Variants in ZNF461 observed in about 807,000 individuals in gnomAD.
ZNF461 encodes the protein zinc finger protein 461.
In ZNF461, 16 loss-of-function variants were observed where a neutral mutation model predicts 18.3. That is an observed-to-expected ratio of 0.88 (90% CI 0.59 to 1.33). The LOEUF is 1.33. Ranked by LOEUF, ZNF461 falls within the 40% of genes most tolerant of loss-of-function variation. The pLI is 0.00. For missense variants in ZNF461, 595 were observed against 669.9 expected, an observed-to-expected ratio of 0.89 and a Z score of 1.23; for synonymous variants, 179 against 216.9, an observed-to-expected ratio of 0.83 and a Z score of 1.54.
Position 36,638,416 on chromosome 19 carries a change from T to C in ZNF461, c.*237A>G, listed in dbSNP as rs189573589. ...ATATTTCACTGGTTTCAGTGAAACA[T>C]GTAATTTTAGAAAATTTATTCTCAA... On this transcript the variant is annotated 3_prime_UTR_variant, in exon 6 of 6. Transcript: ENST00000588268. 5.7e-3 allele frequency: 1,953 copies of C among 342,190 alleles called. 14 individuals are homozygous for C. The highest frequency in any genetic ancestry group is 0.015 in the South Asian group (181 of 12,236). The allele number at this position is 342,190 out of a possible 1,614,324, so 21.2% of individuals were successfully genotyped here. A position where few individuals can be genotyped will look rare whatever the true frequency, so the allele number is the denominator to read the frequency against.
In ZNF461 at chr19:36,638,370, TTATTTCACTGTTTCAGTGAAA is replaced by T. The variant is rs985833397; in HGVS notation, c.*262_*282del. 1.4e-4 allele frequency: 36 copies of T among 255,154 alleles called. No homozygotes were observed. Among genetic ancestry groups the T allele is most frequent in the South Asian group, 6.2e-4 (7 of 11,314 alleles). The allele number at this position is 255,154 out of a possible 1,614,324, so 15.8% of individuals were successfully genotyped here. On this transcript the variant is annotated 3_prime_UTR_variant, in exon 6 of 6. Coordinates refer to ENST00000588268, the MANE Select transcript of ZNF461 (RefSeq NM_153257.5). Reference sequence around the variant, plus strand: ...GGGAAGGGAGGAAATTGTTTTCATTTTATTTCACTGTTTCAGTGAAATATTTCACTGGTTTCAGTGAAACAT... The same window carrying T: ...GGGAAGGGAGGAAATTGTTTTCATTTTATTTCACTGGTTTCAGTGAAACAT...
intron 2 of ZNF461, among the ~76,000 whole-genome samples, chr19:36,662,036 A>C (rs921769908): frequency 2.6e-5 from 4 of 151,630 alleles, no homozygotes; most frequent in African/African-American, 9.7e-5. Flanking sequence ...CGTCTGGCTA[A>C]TTTTGTATTT....
intron 4 of ZNF461, among the ~76,000 whole-genome samples, chr19:36,650,293 A>G (rs1337433142): frequency 6.6e-6 from 1 of 152,212 alleles, no homozygotes; most frequent in African/African-American, 2.4e-5. Flanking sequence ...ATGAATATAC[A>G]GAATAATAAC....
intron 4 of ZNF461, among the ~76,000 whole-genome samples, chr19:36,652,289 C>T (rs2037640054): frequency 6.6e-6 from 1 of 150,650 alleles, no homozygotes; most frequent in Non-Finnish European, 1.5e-5. Context: ...GTCAGGAGTT[C>T]GAGACCAGCC....
At chr19:36,640,801 AAG>A (rs754586494) in intron 5 of ZNF461, among the ~76,000 whole-genome samples, 1 of 152,238 alleles carries the variant, frequency 6.6e-6, no homozygotes, top group Admixed American at 6.5e-5. Flanking sequence ...GTATCAAAAA[AAG>A]AAAATTAATT....
chr19:36,636,696 CTATT>C lies in ZNF461; in HGVS notation c.*1953_*1956del, dbSNP rs1174376433. Among the ~76,000 whole-genome samples, 1 of 152,184 alleles carries C rather than the reference CTATT, an allele frequency of 6.6e-6. No homozygotes were observed. Among genetic ancestry groups the C allele is most frequent in the Non-Finnish European group, 1.5e-5 (1 of 68,038 alleles). On this transcript the variant is annotated 3_prime_UTR_variant, in exon 6 of 6. Coordinates refer to ENST00000588268, the MANE Select transcript of ZNF461 (RefSeq NM_153257.5). ...AAGGCGCCAAGCTCTGGTCTCCACA[CTATT>C]TATTGAGTACAATCACTTAGATCTA... is the stretch of plus-strand genomic sequence containing the variant.
chr19:36,656,908 T>C (rs1341300504), intron 3 of ZNF461, among the ~76,000 whole-genome samples: 1 of 151,678 alleles, frequency 6.6e-6, no homozygotes, highest in Non-Finnish European at 1.5e-5. Context: ...CAACCTCCAC[T>C]TCACGGGTTC....
chr19:36,645,388 ATTTC>A (rs1555795993), intron 4 of ZNF461, among the ~76,000 whole-genome samples: 1 of 152,162 alleles, frequency 6.6e-6, no homozygotes, highest in African/African-American at 2.4e-5. Flanking sequence ...ACTTTTTTCT[ATTTC>A]TTAGCATACA....
At chr19:36,641,041 A>G (rs895500691) in intron 5 of ZNF461, among the ~76,000 whole-genome samples, 2 of 152,184 alleles carry the variant, frequency 1.3e-5, no homozygotes, top group Non-Finnish European at 1.5e-5. Context: ...GCCTTTTCCT[A>G]TGTTAGAGCT....
chr19:36,654,253 T>C (rs552521770), intron 4 of ZNF461, among the ~76,000 whole-genome samples: 9 of 152,320 alleles, frequency 5.9e-5, no homozygotes, highest in African/African-American at 2.2e-4. Context: ...TGAGAATATG[T>C]ACCATTTTTC....
At chr19:36,660,478 C>T (rs909037828) in intron 2 of ZNF461, among the ~76,000 whole-genome samples, 3 of 151,952 alleles carry the variant, frequency 2.0e-5, no homozygotes, top group Admixed American at 2.0e-4. Context: ...TGTCACATTT[C>T]ATCAGTCTAT....
At position 36,639,622 on chromosome 19, in the gene ZNF461, A is replaced by ATT. The variant is rs1280466994; in HGVS notation, c.721_722dup (p.Asn241LysfsTer25). 6.2e-7 allele frequency: 1 copy of ATT among 1,613,682 alleles called. No individual in the cohort carries two copies. The highest frequency in any genetic ancestry group is 8.5e-7 in the Non-Finnish European group (1 of 1,179,700). ...CTTTACACTCATTGCATTTGTCACC[A>ATT]TTTTGAATTGTCTGTTGTTTAAAAA... On this transcript the variant is annotated frameshift_variant, in exon 6 of 6. Transcript: ENST00000588268. LOFTEE classifies it low-confidence loss of function (END_TRUNC).
intron 2 of ZNF461, among the ~76,000 whole-genome samples, chr19:36,662,636 T>A (rs557509832): frequency 6.6e-6 from 1 of 152,340 alleles, no homozygotes; most frequent in East Asian, 1.9e-4. Context: ...TTCTTTACTT[T>A]TAGATTATAT....
intron 4 of ZNF461, among the ~76,000 whole-genome samples, chr19:36,651,789 A>C (rs1404094917): frequency 1.3e-5 from 2 of 152,226 alleles, no homozygotes; most frequent in African/African-American, 4.8e-5. Context: ...AATTCCCATG[A>C]AAATCTAAGC....
intron 2 of ZNF461, among the ~76,000 whole-genome samples, chr19:36,660,570 T>A (rs1401119406): frequency 6.6e-6 from 1 of 152,076 alleles, no homozygotes; most frequent in African/African-American, 2.4e-5. Context: ...CCTGGCTCAG[T>A]ATCACTAACT....
At position 36,639,530 on chromosome 19, in the gene ZNF461, C is replaced by T. The variant is rs140064377; in HGVS notation, c.815G>A (p.Arg272His). 228 of 1,613,560 alleles carry T rather than the reference C, an allele frequency of 1.4e-4. 1 individual carries two copies. In the East Asian group the frequency reaches 4.5e-3, roughly 32 times the overall value. The change falls in exon 6 of 6, where the codon CGC becomes CAC. Residue 272 changes from arginine to histidine, a missense_variant. Arg to His is a conservative substitution (Grantham distance 29). Coordinates refer to ENST00000588268, the MANE Select transcript of ZNF461 (RefSeq NM_153257.5). ...CTTCCCACATTCGTTACATTCATAG[C>T]GTTTTTCACCATTATGAATTCTTAG... is the stretch of plus-strand genomic sequence containing the variant. ...KHLRIHNGEK[R>H]YECNECGKAF...
At position 36,639,272 on chromosome 19, in the gene ZNF461, T is replaced by G; in HGVS notation, c.1073A>C (p.Glu358Ala). The part of the protein sequence containing the change: ...LRLHTGEKPY[E>A]CKECGKTFRH... ...AAAAGTCTTTCCACATTCTTTACAT[T>G]CATAAGGTTTCTCTCCAGTATGGAG... The change falls in exon 6 of 6, where the codon GAA becomes GCA. Residue 358 changes from glutamate to alanine, a missense_variant. By Grantham distance (107) the Glu-to-Ala change is moderately radical. Transcript: ENST00000588268. 6.2e-7 allele frequency: 1 copy of G among 1,614,144 alleles called. No homozygotes were observed. The highest frequency in any genetic ancestry group is 8.5e-7 in the Non-Finnish European group (1 of 1,180,024).
chr19:36,656,232 G>A lies in ZNF461; in HGVS notation c.232+216C>T, dbSNP rs192328188. ...GATCTCCTGACCTCGTGATCTGCCC[G>A]CCTCGGCCTCCCAAAGTGCTGGGAT... On this transcript the variant is annotated intron_variant, in intron 4 of 5. Transcript: ENST00000588268. Among the ~76,000 whole-genome samples, 351 of 152,156 alleles carry A rather than the reference G, an allele frequency of 2.3e-3. 1 individual carries two copies. Among genetic ancestry groups the A allele is most frequent in the African/African-American group, 7.9e-3 (329 of 41,510 alleles).
chr19:36,656,281 G>A (rs1306963154), intron 4 of ZNF461, among the ~76,000 whole-genome samples, 167 bp downstream of exon 4: 1 of 152,150 alleles, frequency 6.6e-6, no homozygotes, highest in African/African-American at 2.4e-5. Context: ...CACCGCGCCC[G>A]GCCTAGAATA....
Sources: gnomAD v4.1 joint callset for allele counts (sites outside exome capture counted in the v4.1 genomes callset) on GRCh38, gnomAD v4.1.1 for gene constraint, MANE v1.5 for transcripts, NCBI Gene and HGNC (gene_info 2026-07-23, HGNC 2026-07-21) for gene names.